TENM3: variants seen among roughly 807,000 people sequenced by gnomAD.
The protein encoded by TENM3 is teneurin-3.
TENM3 carries 63 observed loss-of-function variants against 255.1 expected under a neutral mutation model. The ratio of observed to expected loss-of-function variants is 0.25; its 90% CI spans 0.20 to 0.30. The LOEUF is 0.30. Ranked by LOEUF, TENM3 falls within the 10% of genes least tolerant of loss-of-function variation. The pLI is 1.00. For synonymous variants in TENM3, 1,306 were observed against 1,322.3 expected (o/e 0.99, Z 0.27); for missense variants, 2,929 against 3,461.1 (o/e 0.85, Z 3.86).
intron 3 of TENM3, among the ~76,000 whole-genome samples, chr4:182,352,833 A>G (rs1035251031): frequency 6.6e-6 from 1 of 152,118 alleles, no homozygotes; most frequent in Non-Finnish European, 1.5e-5. Flanking sequence ...ATTTCCATCA[A>G]TCTCTAAAGA....
intron 1 of TENM3, among the ~76,000 whole-genome samples, chr4:182,306,422 A>C (rs1253535755): frequency 1.3e-5 from 2 of 152,168 alleles, no homozygotes; most frequent in African/African-American, 2.4e-5. Flanking sequence ...GAAAATGTTT[A>C]TAAGTTATAA....
At chr4:182,764,244 A>G (rs1474440905) in intron 22 of TENM3, among the ~76,000 whole-genome samples, 1 of 152,254 alleles carries the variant, frequency 6.6e-6, no homozygotes, top group Non-Finnish European at 1.5e-5. Flanking sequence ...TTTCCTGTTT[A>G]GCCCGTAATT....
intron 1 of TENM3, among the ~76,000 whole-genome samples, chr4:182,199,011 G>T (rs1754006829): frequency 6.6e-6 from 1 of 152,138 alleles, no homozygotes; most frequent in Non-Finnish European, 1.5e-5. Context: ...AGATGAAAGT[G>T]TATGTTAGTA....
intron 22 of TENM3, among the ~76,000 whole-genome samples, chr4:182,759,472 C>T (rs543568427): frequency 1.1e-4 from 17 of 152,300 alleles, no homozygotes; most frequent in African/African-American, 4.1e-4. Context: ...AAAATGTTAA[C>T]GTTGCCCATT....
intron 3 of TENM3, among the ~76,000 whole-genome samples, chr4:182,429,301 CT>C (rs1441681922): frequency 6.6e-6 from 1 of 152,096 alleles, no homozygotes; most frequent in African/African-American, 2.4e-5. Flanking sequence ...TAAAAACTAA[CT>C]TTAATTTTTA....
At chr4:181,457,280 T>C in the TENM3 span, among the ~76,000 whole-genome samples, 1 of 151,864 alleles carries the variant, frequency 6.6e-6, no homozygotes, top group Non-Finnish European at 1.5e-5. Flanking sequence ...GCACTGAAAC[T>C]TGGTGATATA....
chr4:181,687,080 G>A, the TENM3 span, among the ~76,000 whole-genome samples: 2 of 152,060 alleles, frequency 1.3e-5, no homozygotes, highest in Non-Finnish European at 2.9e-5. Flanking sequence ...TATAAAATGA[G>A]TTTTAGAAAT....
intron 1 of TENM3, among the ~76,000 whole-genome samples, chr4:182,225,417 C>T (rs1012966209): frequency 6.6e-6 from 1 of 152,152 alleles, no homozygotes; most frequent in African/African-American, 2.4e-5. Flanking sequence ...TGCTTTCAAA[C>T]TGAAGTGGCC....
chr4:182,393,713 A>T (rs182315769), intron 3 of TENM3, among the ~76,000 whole-genome samples: 20 of 152,216 alleles, frequency 1.3e-4, no homozygotes, highest in African/African-American at 4.6e-4. Context: ...CCTGTTATGG[A>T]TTTTTTTAGT....
At chr4:182,241,699 G>A (rs1052044414), upstream of TENM3, among the ~76,000 whole-genome samples, 3 of 143,488 alleles carry the variant, frequency 2.1e-5, no homozygotes, top group East Asian at 2.0e-4. Context: ...TAGTAGAGAC[G>A]GGTTTTCCCA....
At chr4:181,977,334 G>A in the TENM3 span, among the ~76,000 whole-genome samples, 1 of 152,194 alleles carries the variant, frequency 6.6e-6, no homozygotes, top group Non-Finnish European at 1.5e-5. Context: ...GTAAATGTAT[G>A]TAAATTAAGT....
the TENM3 span, among the ~76,000 whole-genome samples, chr4:181,963,408 G>A: frequency 3.3e-5 from 5 of 152,094 alleles, no homozygotes; most frequent in East Asian, 7.7e-4. Flanking sequence ...CTTGCATGCA[G>A]CAATATTTTC....
the TENM3 span, among the ~76,000 whole-genome samples, chr4:181,821,908 T>A: frequency 6.6e-6 from 1 of 152,316 alleles, no homozygotes; most frequent in South Asian, 2.1e-4. Context: ...CAACAATAGA[T>A]CACGTTTCTA....
At position 182,605,997 on chromosome 4, in the gene TENM3, T is replaced by G. The variant is rs1748381052; in HGVS notation, c.749+4836T>G. ...TTCTTATGCCTTAGATAAATAAGAA[T>G]AAGAAATCAAACGAGAAAGGCAGGT... On this transcript the variant is annotated intron_variant, in intron 4 of 27. Transcript: ENST00000511685. Among the ~76,000 whole-genome samples the G allele has an allele frequency of 1.3e-5, 2 of 152,170 alleles. No homozygotes were observed. Among genetic ancestry groups the G allele is most frequent in the African/African-American group, 4.8e-5 (2 of 41,450 alleles).
At chr4:181,764,601 C>T in the TENM3 span, among the ~76,000 whole-genome samples, 2 of 152,184 alleles carry the variant, frequency 1.3e-5, no homozygotes, top group Non-Finnish European at 2.9e-5. Flanking sequence ...TATTTTTCAG[C>T]AACTATTCCC....
chr4:182,791,226 C>T (rs145785908), intron 25 of TENM3, among the ~76,000 whole-genome samples: 159 of 152,330 alleles, frequency 1.0e-3, no homozygotes, highest in Middle Eastern at 3.4e-3. Context: ...CCTGGGTCTG[C>T]CCAAAGAGGA....
Position 182,793,607 on chromosome 4 carries a change from T to C in TENM3, c.6935T>C (p.Met2312Thr). Residue 2312 changes from methionine to threonine, a missense_variant, in exon 26 of 28, where the codon ATG (methionine) becomes ACG (threonine). Physicochemically the swap from Met to Thr is moderately conservative, Grantham distance 81. Coordinates refer to ENST00000511685, the MANE Select transcript of TENM3 (RefSeq NM_001080477.4). The surrounding 1 kb of genome is among the most constrained non-coding windows in gnomAD (Gnocchi z 5.7). ...PLAVFSSNGL[M>T]LKQIQYTAYG... is the part of the protein sequence containing the mutation. Reference sequence around the variant, plus strand: ...GCTGTGTTCAGTAGCAATGGGCTTATGCTGAAACAGATTCAGTACACTGCA... The same window carrying C: ...GCTGTGTTCAGTAGCAATGGGCTTACGCTGAAACAGATTCAGTACACTGCA... The C allele has an allele frequency of 6.2e-7, 1 of 1,614,056 alleles. No individual in the cohort carries two copies. Among genetic ancestry groups the C allele is most frequent in the East Asian group, 2.2e-5 (1 of 44,890 alleles).
intron 3 of TENM3, among the ~76,000 whole-genome samples, chr4:182,584,566 C>T (rs761844026): frequency 1.5e-4 from 23 of 151,932 alleles, no homozygotes; most frequent in Non-Finnish European, 2.5e-4. Context: ...TTTATGCCAG[C>T]GATTTGTCTT....
intron 12 of TENM3, among the ~76,000 whole-genome samples, chr4:182,710,114 G>C (rs1758642819): frequency 2.0e-5 from 3 of 152,050 alleles, no homozygotes; most frequent in South Asian, 4.1e-4. Context: ...TATTTATTTT[G>C]GTTGTGCAGG....
Sources: allele counts gnomAD v4.1 joint callset (sites outside exome capture counted in the v4.1 genomes callset), GRCh38; gene constraint gnomAD v4.1.1; non-coding constraint Gnocchi (gnomAD v3.1); transcripts MANE v1.5; gene names NCBI Gene and HGNC (gene_info 2026-07-23, HGNC 2026-07-21).